DNM3: variants seen among roughly 807,000 people sequenced by gnomAD.
The protein encoded by DNM3 is dynamin 3.
A neutral mutation model predicts 101.6 loss-of-function variants in DNM3; 47 were observed. The ratio of observed to expected loss-of-function variants is 0.46; its 90% CI spans 0.37 to 0.59. The LOEUF (loss-of-function observed/expected upper bound fraction) is 0.59. DNM3 is among the 20% of genes least tolerant of loss of function. The pLI is 0.00. For missense variants in DNM3, 849 were observed against 1,085.7 expected (o/e 0.78, Z 3.06); for synonymous variants, 385 against 387.9 (o/e 0.99, Z 0.09).
chr1:172,338,660 G>A (rs1194276755), intron 17 of DNM3: 1 of 323,832 alleles, frequency 3.1e-6, no homozygotes, highest in Non-Finnish European at 6.1e-6. Context: ...TGTGGCACAG[G>A]ATCAGAGCAG....
intron 17 of DNM3, among the ~76,000 whole-genome samples, chr1:172,324,186 A>G (rs1384994854): frequency 6.6e-6 from 1 of 152,140 alleles, no homozygotes; most frequent in Admixed American, 6.6e-5. Flanking sequence ...TATTTTTTCT[A>G]TGGAGATACA....
intron 15 of DNM3, among the ~76,000 whole-genome samples, chr1:172,282,980 C>T (rs1385310751): frequency 6.6e-6 from 1 of 152,200 alleles, no homozygotes; most frequent in African/African-American, 2.4e-5. Flanking sequence ...TCAACTTGCA[C>T]CTGTTTTACT....
At chr1:172,120,914 C>A (rs1268336257) in intron 13 of DNM3, among the ~76,000 whole-genome samples, 3 of 152,154 alleles carry the variant, frequency 2.0e-5, no homozygotes, top group Admixed American at 1.3e-4. Context: ...CCCTCTGACA[C>A]CTCTAAGGTG....
chr1:172,226,779 G>T (rs188939189), intron 14 of DNM3, among the ~76,000 whole-genome samples: 1 of 151,970 alleles, frequency 6.6e-6, no homozygotes, highest in Admixed American at 6.6e-5. Context: ...GTTTTTCAGC[G>T]ATAATGATGC....
rs577914984 is a variant in DNM3 at position 172,366,321 on chromosome 1, G to A, written c.1894-12697G>A. ...AACCAAATACAAAGAAAACTCCAGA[G>A]GCTTTCCCCAATATCAATTTAATTC... On this transcript the variant is annotated intron_variant, in intron 17 of 20. Transcript: ENST00000627582. 9.7e-4 allele frequency among the ~76,000 whole-genome samples: 148 copies of A among 151,972 alleles called. 1 individual carries two copies. The highest frequency in any genetic ancestry group is 3.3e-3 in the African/African-American group (139 of 41,494).
At chr1:172,232,946 A>G (rs1381288528) in intron 14 of DNM3, among the ~76,000 whole-genome samples, 1 of 152,224 alleles carries the variant, frequency 6.6e-6, no homozygotes, top group Admixed American at 6.5e-5. Flanking sequence ...GGAAAGATCT[A>G]AAATTGACAC....
chr1:172,134,442 G>A (rs560589321), intron 14 of DNM3, among the ~76,000 whole-genome samples: 5 of 152,222 alleles, frequency 3.3e-5, no homozygotes, highest in East Asian at 1.9e-4. Context: ...AGTTCACTGA[G>A]CACATTATTT....
At chr1:172,343,993 ATTTGGAAC>A (rs1412747483) in intron 17 of DNM3, among the ~76,000 whole-genome samples, 1 of 152,118 alleles carries the variant, frequency 6.6e-6, no homozygotes, top group Non-Finnish European at 1.5e-5. Context: ...CAGCTGGTCA[ATTTGGAAC>A]GCAGTCTTCT....
At chr1:172,117,550 C>T (rs1018998204) in intron 13 of DNM3, among the ~76,000 whole-genome samples, 1 of 152,138 alleles carries the variant, frequency 6.6e-6, no homozygotes, top group Non-Finnish European at 1.5e-5. Context: ...TAAGAAGTGC[C>T]TTTCATCTCC....
intron 20 of DNM3, among the ~76,000 whole-genome samples, chr1:172,398,886 G>A (rs1385142644): frequency 6.6e-6 from 1 of 152,154 alleles, no homozygotes. Flanking sequence ...GTACCATTAA[G>A]GTGTAAAACA....
intron 17 of DNM3, among the ~76,000 whole-genome samples, chr1:172,336,751 C>T (rs2066449929): frequency 6.7e-6 from 1 of 149,448 alleles, no homozygotes; most frequent in Non-Finnish European, 1.5e-5. Context: ...TTAACTGCAA[C>T]TGCACACCTA....
At position 172,341,801 on chromosome 1, in the gene DNM3, C is replaced by G. The variant is rs550532375; in HGVS notation, c.1893+18461C>G. ...CCCTGGAAGATAACTTAGGCGATAC[C>G]ATTCTGGACATAGGAATTTGCAAAT... On this transcript the variant is annotated intron_variant, in intron 17 of 20. Coordinates refer to ENST00000627582, the MANE Select transcript of DNM3 (RefSeq NM_015569.5). Among the ~76,000 whole-genome samples the G allele has an allele frequency of 3.6e-4, 54 of 152,096 alleles. No individual in the cohort carries two copies. In the South Asian group the frequency reaches 4.6e-3, roughly 13 times the overall value.
intron 1 of DNM3, among the ~76,000 whole-genome samples, chr1:171,877,266 G>T (rs1258009617): frequency 1.3e-5 from 2 of 152,142 alleles, no homozygotes; most frequent in African/African-American, 4.8e-5. Context: ...GTAAGTTAAA[G>T]AATATTTTAA....
intron 14 of DNM3, among the ~76,000 whole-genome samples, chr1:172,191,496 C>T (rs1181955378): frequency 1.3e-5 from 2 of 151,970 alleles, no homozygotes; most frequent in African/African-American, 4.8e-5. Flanking sequence ...CTTGGCAATG[C>T]GGGCTTTTTT....
rs781594070 is a variant in DNM3 at position 172,074,778 on chromosome 1, G to A, written c.1422+5873G>A. ...ATGAACAGTGGTGCAATAAACATGC[G>A]TGTACATGTGTCTTTGTAGTAGAAT... On this transcript the variant is annotated intron_variant, in intron 11 of 20. Transcript: ENST00000627582. Among the ~76,000 whole-genome samples, 54 of 152,292 alleles carry A rather than the reference G, an allele frequency of 3.5e-4. 1 individual carries two copies. The highest frequency in any genetic ancestry group is 1.9e-3 in the Admixed American group (29 of 15,294).
At chr1:171,920,994 G>A (rs1282879954) in intron 1 of DNM3, among the ~76,000 whole-genome samples, 1 of 152,162 alleles carries the variant, frequency 6.6e-6, no homozygotes, top group Non-Finnish European at 1.5e-5. Flanking sequence ...GTGCGACATT[G>A]GCTCACTGCA....
chr1:172,223,479 G>A (rs966423810), intron 14 of DNM3, among the ~76,000 whole-genome samples: 3 of 151,856 alleles, frequency 2.0e-5, no homozygotes, highest in Non-Finnish European at 4.4e-5. Context: ...TTTTCTCTGA[G>A]AGCATCATAT....
At chr1:172,220,423 G>GA (rs1256471872) in intron 14 of DNM3, among the ~76,000 whole-genome samples, 1 of 152,080 alleles carries the variant, frequency 6.6e-6, no homozygotes, top group East Asian at 1.9e-4. Flanking sequence ...GAGAATGGGG[G>GA]AAAACTCAAA....
chr1:171,921,183 A>C (rs921849458), intron 1 of DNM3, among the ~76,000 whole-genome samples: 4 of 151,842 alleles, frequency 2.6e-5, no homozygotes, highest in African/African-American at 9.7e-5. Flanking sequence ...CCTGGACTCA[A>C]GCAATTCACC....
Sources: allele counts gnomAD v4.1 joint callset (sites outside exome capture counted in the v4.1 genomes callset), GRCh38; gene constraint gnomAD v4.1.1; transcripts MANE v1.5; gene names NCBI Gene and HGNC (gene_info 2026-07-23, HGNC 2026-07-21).